PKD2L1: variants seen among roughly 807,000 people sequenced by gnomAD.
The protein encoded by PKD2L1 is polycystin 2 like 1, transient receptor potential cation channel.
Under a neutral mutation model 93.0 loss-of-function variants are expected in PKD2L1, and 77 were observed. The ratio of observed to expected loss-of-function variants is 0.83; its 90% CI spans 0.69 to 1.00. The LOEUF (loss-of-function observed/expected upper bound fraction) is 1.00. Among genes scored for constraint, PKD2L1 ranks in the 50% least tolerant of loss-of-function variants. The pLI, the probability that PKD2L1 is intolerant of heterozygous loss-of-function variation, is 0.00. For synonymous variants in PKD2L1, 390 were observed against 388.0 expected (o/e 1.01, Z -0.06); for missense variants, 977 against 990.9 (o/e 0.99, Z 0.19).
intron 2 of PKD2L1, among the ~76,000 whole-genome samples, chr10:100,318,762 A>G (rs1278082216): frequency 6.7e-6 from 1 of 150,200 alleles, no homozygotes; most frequent in East Asian, 2.0e-4. Context: ...CTCGTGATCC[A>G]CCCACCTTGG....
At chr10:100,302,098 G>A (rs1179778170) in intron 2 of PKD2L1, among the ~76,000 whole-genome samples, 1 of 152,190 alleles carries the variant, frequency 6.6e-6, no homozygotes, top group Non-Finnish European at 1.5e-5. Flanking sequence ...GCCTCCCAAA[G>A]TGCTGGGATT....
At chr10:100,329,122 CAGA>C (rs1849443211) in intron 2 of PKD2L1, 86 bp downstream of exon 2, 3 of 1,279,352 alleles carry the variant, frequency 2.3e-6, no homozygotes, top group Admixed American at 3.7e-5. Context: ...GCTCGCTCCA[CAGA>C]TGTTGCCCAC....
chr10:100,321,750 AGAAAGAAGGGAGGGAGGGAG>A (rs1849247604), intron 2 of PKD2L1, among the ~76,000 whole-genome samples: 1 of 5,744 alleles, frequency 1.7e-4, no homozygotes, highest in African/African-American at 5.2e-4. Context: ...AAAGAAAGAA[AGAAAGAAGGGAGGGAGGGAG>A]GGAGGGAGGG....
chr10:100,292,924 A>G, intron 11 of PKD2L1, 24 bp downstream of exon 11: 2 of 1,607,140 alleles, frequency 1.2e-6, no homozygotes, highest in East Asian at 4.5e-5. Flanking sequence ...GTTATTAGAG[A>G]AGGCTGGGTC....
intron 2 of PKD2L1, among the ~76,000 whole-genome samples, chr10:100,315,712 G>A (rs1163251201): frequency 6.6e-6 from 1 of 152,166 alleles, no homozygotes; most frequent in Non-Finnish European, 1.5e-5. Context: ...GAGAAGAAAT[G>A]CTGGTTTACG....
At chr10:100,303,010 GTGTT>G (rs1179301514) in intron 2 of PKD2L1, among the ~76,000 whole-genome samples, 1 of 152,184 alleles carries the variant, frequency 6.6e-6, no homozygotes, top group Non-Finnish European at 1.5e-5. Context: ...GTGTGCGTGT[GTGTT>G]TGTGTGTGTG....
intron 7 of PKD2L1, 86 bp downstream of exon 7, chr10:100,296,034 CAA>C (rs200777805): frequency 9.3e-3 from 8,816 of 946,274 alleles, no homozygotes; most frequent in Admixed American, 0.014. Flanking sequence ...GACTCCATCT[CAA>C]AAAAAAAAAA....
intron 2 of PKD2L1, among the ~76,000 whole-genome samples, chr10:100,317,391 TAAGC>T (rs369141237): frequency 2.3e-3 from 347 of 151,688 alleles, no homozygotes; most frequent in African/African-American, 8.1e-3. Context: ...AAACAAAAAT[TAAGC>T]GAGTGTGGTG....
intron 2 of PKD2L1, among the ~76,000 whole-genome samples, chr10:100,326,012 T>G (rs1849371401): frequency 6.6e-6 from 1 of 152,196 alleles, no homozygotes; most frequent in Admixed American, 6.5e-5. Context: ...CATGCTATAC[T>G]GCCACCAGAT....
chr10:100,290,033 C>T lies in PKD2L1; in HGVS notation c.2232G>A (p.Leu744=). Residue 744 remains leucine, a synonymous_variant, in exon 14 of 16, where the codon CTG becomes CTA. Transcript: ENST00000318222. ...KLKMLERKGW[L]APSPGVKEQA... ...CACTCACCACGCCTGGGGAGGGAGC[C>T]AGCCACCCCTTCCTCTCCAGCATTT... The T allele has an allele frequency of 6.2e-7, 1 of 1,614,154 alleles. No homozygotes were observed. Among genetic ancestry groups the T allele is most frequent in the Non-Finnish European group, 8.5e-7 (1 of 1,180,010 alleles).
At chr10:100,316,553 AT>A (rs1201823472) in intron 2 of PKD2L1, among the ~76,000 whole-genome samples, 1 of 152,242 alleles carries the variant, frequency 6.6e-6, no homozygotes, top group Non-Finnish European at 1.5e-5. Flanking sequence ...GAATGAATGA[AT>A]GTGTGACTAT....
chr10:100,311,676 T>C (rs1430147185), intron 2 of PKD2L1, among the ~76,000 whole-genome samples: 2 of 152,152 alleles, frequency 1.3e-5, no homozygotes, highest in African/African-American at 4.8e-5. Context: ...TCCCTGCCCC[T>C]AATATGTGAT....
chr10:100,294,743 G>T (rs1035376651), intron 8 of PKD2L1, 88 bp from the exon 9 acceptor site: 3 of 1,553,758 alleles, frequency 1.9e-6, no homozygotes, highest in Admixed American at 3.4e-5. Flanking sequence ...CTCACCACAC[G>T]TTCACCCCAA....
chr10:100,313,998 A>AT (rs1412040209), intron 2 of PKD2L1, among the ~76,000 whole-genome samples: 1 of 152,048 alleles, frequency 6.6e-6, no homozygotes, highest in Non-Finnish European at 1.5e-5. Context: ...TTTGTAGGTA[A>AT]TTTTTTCATT....
intron 2 of PKD2L1, among the ~76,000 whole-genome samples, chr10:100,323,839 AT>A (rs1292051762): frequency 6.6e-6 from 1 of 151,000 alleles, no homozygotes; most frequent in Admixed American, 6.6e-5. Flanking sequence ...TTATTTATTT[AT>A]TTTTTGAGAC....
Position 100,298,806 on chromosome 10 carries a change from C to T in PKD2L1, c.487G>A (p.Gly163Ser), listed in dbSNP as rs200669365. 18 of 1,610,932 alleles carry T rather than the reference C, an allele frequency of 1.1e-5. No individual in the cohort carries two copies. The highest frequency in any genetic ancestry group is 1.1e-4 in the African/African-American group (8 of 74,918). Residue 163 changes from glycine (G) to serine (S), a missense_variant, in exon 4 of 16, where the codon GGC (glycine) becomes AGC (serine). Physicochemically the swap from Gly to Ser is moderately conservative, Grantham distance 56. Coordinates refer to ENST00000318222, the MANE Select transcript of PKD2L1 (RefSeq NM_016112.3). Reference protein sequence around the residue: ...SMADFWDFAQGPLLDSLYWTK... With the variant: ...SMADFWDFAQSPLLDSLYWTK... ...CAATACAAACTGTCCAGTAGTGGGC[C>T]CTGGGCAAACTGAACCACAAGCTGG...
Position 100,298,617 on chromosome 10 carries a change from C to T in PKD2L1, c.676G>A (p.Val226Ile). ...FREDILSCYD[V>I]YSPDKEEQLP... ...TGTTCTTCTTTGTCTGGAGAGTAGACATCATAGCAGCTCAGAATGTCCTCC... is the reference window on the plus strand; with the variant it reads ...TGTTCTTCTTTGTCTGGAGAGTAGATATCATAGCAGCTCAGAATGTCCTCC... Residue 226 changes from valine (V) to isoleucine (I), a missense_variant, in exon 4 of 16, where the codon GTC (valine) becomes ATC (isoleucine). Physicochemically the swap from Val to Ile is conservative, Grantham distance 29. Coordinates refer to ENST00000318222, the MANE Select transcript of PKD2L1 (RefSeq NM_016112.3). The T allele has an allele frequency of 1.9e-6, 3 of 1,614,114 alleles. No individual in the cohort carries two copies. Among genetic ancestry groups the T allele is most frequent in the East Asian group, 4.5e-5 (2 of 44,878 alleles).
chr10:100,293,076 G>A lies in PKD2L1; in HGVS notation c.1759-7C>T. ...GTAGGGTCTTGTTGTAGCCCTGAAA[G>A]GGAAAGGAAATAGGCACAAGTTCTC... is the stretch of plus-strand genomic sequence containing the variant. On this transcript the variant is annotated splice_region_variant and splice_polypyrimidine_tract_variant and intron_variant, in intron 10 of 15. Coordinates refer to ENST00000318222, the MANE Select transcript of PKD2L1 (RefSeq NM_016112.3). The A allele has an allele frequency of 6.2e-7, 1 of 1,613,228 alleles. No homozygotes were observed. Among genetic ancestry groups the A allele is most frequent in the South Asian group, 1.1e-5 (1 of 91,000 alleles).
intron 6 of PKD2L1, 140 bp from the exon 7 acceptor site, chr10:100,296,432 A>T (rs575687449): frequency 3.3e-6 from 2 of 602,638 alleles, no homozygotes; most frequent in Non-Finnish European, 5.5e-6. Context: ...TCACTATCTC[A>T]GTTTCAAATG....
Sources: allele counts gnomAD v4.1 joint callset (sites outside exome capture counted in the v4.1 genomes callset), GRCh38; gene constraint gnomAD v4.1.1; transcripts MANE v1.5; gene names NCBI Gene and HGNC (gene_info 2026-07-23, HGNC 2026-07-21).